CNTNAP5: variants seen among roughly 807,000 people sequenced by gnomAD.
CNTNAP5 encodes contactin-associated protein-like 5.
In CNTNAP5, 72 loss-of-function variants were observed where a neutral mutation model predicts 150.2. That is an observed-to-expected ratio of 0.48 (90% CI 0.40 to 0.58). CNTNAP5 has a LOEUF of 0.58. CNTNAP5 is among the 20% of genes least tolerant of loss of function. The probability of loss-of-function intolerance (pLI) is 0.00; values close to 1 mark genes in which losing one functional copy is unlikely to be tolerated. For missense variants in CNTNAP5, 1,636 were observed against 1,626.2 expected, an observed-to-expected ratio of 1.01 and a Z score of -0.10; for synonymous variants, 672 against 619.8, an observed-to-expected ratio of 1.08 and a Z score of -1.25.
At chr2:124,575,433 C>A (rs1020345658) in intron 11 of CNTNAP5, among the ~76,000 whole-genome samples, 1 of 152,156 alleles carries the variant, frequency 6.6e-6, no homozygotes, top group Non-Finnish European at 1.5e-5. Context: ...TTATTTGGAA[C>A]GCTCTTGGGT....
intron 1 of CNTNAP5, among the ~76,000 whole-genome samples, chr2:124,209,993 A>C (rs1188040858): frequency 6.6e-6 from 1 of 152,206 alleles, no homozygotes; most frequent in Admixed American, 6.5e-5. Context: ...CAGATTGAGA[A>C]ATAAGCGGTG....
intron 13 of CNTNAP5, among the ~76,000 whole-genome samples, chr2:124,737,166 T>C (rs1284477215): frequency 4.0e-5 from 6 of 151,690 alleles, no homozygotes; most frequent in African/African-American, 1.2e-4. Context: ...TTGTATGCTC[T>C]TGTAATCCCA....
chr2:124,288,118 C>T (rs1298993022), intron 3 of CNTNAP5, among the ~76,000 whole-genome samples: 2 of 152,038 alleles, frequency 1.3e-5, no homozygotes, highest in African/African-American at 4.8e-5. Flanking sequence ...TTCATATAGA[C>T]AAGGACTCAC....
At chr2:124,120,157 C>A (rs374350975) in intron 1 of CNTNAP5, among the ~76,000 whole-genome samples, 1 of 152,088 alleles carries the variant, frequency 6.6e-6, no homozygotes, top group Non-Finnish European at 1.5e-5. Flanking sequence ...TCAGCAATTA[C>A]GGTATAGGGC....
rs141354917 is a variant in CNTNAP5 at position 124,374,073 on chromosome 2, C to T, written c.382-43370C>T. ...TGATATTTTGAGATACTTAATTCTA[C>T]AGTGATCCTATATTACTTTGTAATA... is the stretch of plus-strand genomic sequence containing the variant. On this transcript the variant is annotated intron_variant, in intron 3 of 23. Transcript: ENST00000682447. Among the ~76,000 whole-genome samples, 478 of 152,074 alleles carry T rather than the reference C, an allele frequency of 3.1e-3. 3 individuals carry two copies. Among genetic ancestry groups the T allele is most frequent in the African/African-American group, 0.011 (451 of 41,516 alleles).
intron 3 of CNTNAP5, among the ~76,000 whole-genome samples, chr2:124,271,677 CTATCTATCTATCTATCTATCTATCATCT>C (rs1394133577): frequency 1.8e-3 from 213 of 119,274 alleles, no homozygotes; most frequent in African/African-American, 5.9e-3. Context: ...ATCTATCTAT[CTATCTATCTATCTATCTATCTATCATCT>C]ATCTATCTAT....
chr2:124,699,118 G>C (rs1679466645), intron 13 of CNTNAP5, among the ~76,000 whole-genome samples: 1 of 152,162 alleles, frequency 6.6e-6, no homozygotes, highest in African/African-American at 2.4e-5. Context: ...TGTATAGTGA[G>C]AGAGAGGGAG....
intron 1 of CNTNAP5, among the ~76,000 whole-genome samples, chr2:124,052,880 C>T (rs1197167618): frequency 6.6e-6 from 1 of 152,136 alleles, no homozygotes; most frequent in Non-Finnish European, 1.5e-5. Context: ...ATCTTTGTGC[C>T]CTCCTTTGCT....
At chr2:124,593,986 T>C (rs1696762611) in intron 11 of CNTNAP5, among the ~76,000 whole-genome samples, 1 of 99,046 alleles carries the variant, frequency 1.0e-5, no homozygotes, top group Non-Finnish European at 2.0e-5. Context: ...TGGGGTTGTT[T>C]GTTTTTTTCT....
intron 13 of CNTNAP5, among the ~76,000 whole-genome samples, chr2:124,655,945 G>GAAAGAAAGAAATAAAGAAAGAA (rs1553427799): frequency 3.8e-4 from 21 of 55,520 alleles, no homozygotes; most frequent in African/African-American, 1.6e-3. Flanking sequence ...GAGAGAGAGA[G>GAAAGAAAGAAATAAAGAAAGAA]AGAAAGAAAG....
chr2:124,084,369 C>A (rs1464718203), intron 1 of CNTNAP5, among the ~76,000 whole-genome samples: 3 of 151,754 alleles, frequency 2.0e-5, no homozygotes, highest in African/African-American at 7.3e-5. Context: ...TGGGTTCCAG[C>A]GATTCTCCTG....
At chr2:124,112,375 A>T (rs1339987345) in intron 1 of CNTNAP5, among the ~76,000 whole-genome samples, 1 of 151,954 alleles carries the variant, frequency 6.6e-6, no homozygotes, top group African/African-American at 2.4e-5. Flanking sequence ...CATATAAGAG[A>T]TGTTCTGGCC....
chr2:124,731,165 C>T (rs1056183249), intron 13 of CNTNAP5, among the ~76,000 whole-genome samples: 5 of 152,076 alleles, frequency 3.3e-5, no homozygotes, highest in African/African-American at 1.2e-4. Flanking sequence ...GTTTCAAGTG[C>T]AGACATACAT....
At chr2:124,403,122 G>T (rs926935482) in intron 3 of CNTNAP5, among the ~76,000 whole-genome samples, 1 of 152,180 alleles carries the variant, frequency 6.6e-6, no homozygotes, top group South Asian at 2.1e-4. Flanking sequence ...ACTTTAGTTT[G>T]TACTCTTCTG....
chr2:124,401,035 T>G (rs1691410549), intron 3 of CNTNAP5, among the ~76,000 whole-genome samples: 1 of 152,054 alleles, frequency 6.6e-6, no homozygotes, highest in African/African-American at 2.4e-5. Flanking sequence ...CCACGCTAAT[T>G]TTTGTATTTT....
intron 12 of CNTNAP5, among the ~76,000 whole-genome samples, chr2:124,626,618 G>C (rs1677728052): frequency 6.6e-6 from 1 of 152,162 alleles, no homozygotes; most frequent in Admixed American, 6.5e-5. Context: ...TCAGTCTCAA[G>C]CACAAAACTG....
Position 124,742,991 on chromosome 2 carries a change from C to A in CNTNAP5, c.2078-4238C>A, listed in dbSNP as rs148882862. ...TCACAAATCCCCAGAGCCCCAGGCC[C>A]CGGAAGCACAGTGCATAACGCAGAC... On this transcript the variant is annotated intron_variant, in intron 13 of 23. Coordinates refer to ENST00000682447, the MANE Select transcript of CNTNAP5 (RefSeq NM_001367498.1). Among the ~76,000 whole-genome samples, 7 of 152,188 alleles carry A rather than the reference C, an allele frequency of 4.6e-5. No individual in the cohort carries two copies. The East Asian group carries it at 1.4e-3, about 30-fold the overall frequency.
At chr2:124,746,969 C>A (rs1680616126) in intron 13 of CNTNAP5, among the ~76,000 whole-genome samples, 2 of 149,504 alleles carry the variant, frequency 1.3e-5, no homozygotes, top group African/African-American at 2.5e-5. Context: ...TGTAGAAATA[C>A]AAATTTAAAT....
At chr2:124,402,334 C>T (rs541730918) in intron 3 of CNTNAP5, among the ~76,000 whole-genome samples, 25 of 152,276 alleles carry the variant, frequency 1.6e-4, no homozygotes, top group Non-Finnish European at 2.5e-4. Flanking sequence ...GGAATTTTTA[C>T]TGCCAGAGAC....
Sources: gnomAD v4.1 joint callset for allele counts (sites outside exome capture counted in the v4.1 genomes callset) on GRCh38, gnomAD v4.1.1 for gene constraint, MANE v1.5 for transcripts, NCBI Gene and HGNC (gene_info 2026-07-23, HGNC 2026-07-21) for gene names.